RUNDC3B: variants seen among roughly 807,000 people sequenced by gnomAD.
RUNDC3B encodes RUN domain-containing protein 3B.
A neutral mutation model predicts 58.4 loss-of-function variants in RUNDC3B; 33 were observed. The observed-to-expected ratio is 0.56, with a 90% CI of 0.43 to 0.75. The LOEUF (loss-of-function observed/expected upper bound fraction) is 0.75. RUNDC3B is among the 30% of genes least tolerant of loss of function. The pLI is 0.00. For missense variants in RUNDC3B, 501 were observed against 535.7 expected (o/e 0.94, Z 0.64); for synonymous variants, 193 against 195.2 (o/e 0.99, Z 0.10).
intron 4 of RUNDC3B, among the ~76,000 whole-genome samples, chr7:87,728,064 G>C (rs530506625): frequency 2.0e-5 from 3 of 152,168 alleles, no homozygotes; most frequent in Admixed American, 2.0e-4. Flanking sequence ...GGGCTTATAT[G>C]ACCAGATTAC....
chr7:87,705,032 A>C (rs1423952428), intron 3 of RUNDC3B, among the ~76,000 whole-genome samples: 1 of 152,234 alleles, frequency 6.6e-6, no homozygotes, highest in Admixed American at 6.5e-5. Context: ...ATACAAGTAC[A>C]CTTGTATCAC....
intron 1 of RUNDC3B, among the ~76,000 whole-genome samples, chr7:87,643,529 T>G (rs1822662202): frequency 6.6e-6 from 1 of 152,030 alleles, no homozygotes. Context: ...TTTTTGGGTG[T>G]GTGGGTGCGG....
chr7:87,793,611 T>C (rs781204762), intron 8 of RUNDC3B, among the ~76,000 whole-genome samples: 6 of 152,182 alleles, frequency 3.9e-5, no homozygotes, highest in Admixed American at 1.3e-4. Flanking sequence ...AAAAAGCATT[T>C]GATAACATTC....
chr7:87,803,031 G>A (rs554293380), intron 8 of RUNDC3B, among the ~76,000 whole-genome samples: 1 of 152,144 alleles, frequency 6.6e-6, no homozygotes, highest in Non-Finnish European at 1.5e-5. Flanking sequence ...AAAAACATAA[G>A]AAAAATTATA....
intron 2 of RUNDC3B, among the ~76,000 whole-genome samples, chr7:87,698,757 C>T (rs1828738197): frequency 6.6e-6 from 1 of 152,066 alleles, no homozygotes; most frequent in African/African-American, 2.4e-5. Context: ...ATCTTACCGC[C>T]TAATATGTGA....
chr7:87,736,877 ATATATATATATATTTTTT>A (rs1831994559), intron 4 of RUNDC3B, among the ~76,000 whole-genome samples: 4 of 34,056 alleles, frequency 1.2e-4, no homozygotes, highest in Non-Finnish European at 2.1e-4. Flanking sequence ...ATATATATAT[ATATATATATATATTTTTT>A]TTTTTTTTTT....
chr7:87,727,740 G>A (rs181252876), intron 4 of RUNDC3B, among the ~76,000 whole-genome samples: 6 of 152,222 alleles, frequency 3.9e-5, no homozygotes, highest in African/African-American at 1.4e-4. Flanking sequence ...TCAAGAGGAT[G>A]CATGTCTCTT....
rs769055641 is a variant in RUNDC3B, at chr7:87,807,480, A to G, written c.1064A>G (p.Asp355Gly). ...GALDVNAVALDTLLYRKHNKQ... is the reference protein window; with the variant it reads ...GALDVNAVALGTLLYRKHNKQ... Reference sequence around the variant, plus strand: ...CTGGATGTCAATGCTGTTGCCTTGGATACGTTGCTTTACCGAAAACACAAT... The same window carrying G: ...CTGGATGTCAATGCTGTTGCCTTGGGTACGTTGCTTTACCGAAAACACAAT... Residue 355 changes from aspartate (D) to glycine (G), a missense_variant, in exon 9 of 11, where the codon GAT (aspartate) becomes GGT (glycine). By Grantham distance (94) the Asp-to-Gly change is moderately conservative (BLOSUM62 -1). Transcript: ENST00000394654. The G allele has an allele frequency of 6.2e-7, 1 of 1,613,718 alleles. No homozygotes were observed. The highest frequency in any genetic ancestry group is 1.1e-5 in the South Asian group (1 of 91,064).
chr7:87,809,808 C>T (rs1836614309), intron 9 of RUNDC3B, among the ~76,000 whole-genome samples: 1 of 152,114 alleles, frequency 6.6e-6, no homozygotes, highest in African/African-American at 2.4e-5. Flanking sequence ...CGTTTGAAAC[C>T]AATCACAGCT....
At chr7:87,816,862 G>A (rs1462661488) in intron 10 of RUNDC3B, among the ~76,000 whole-genome samples, 1 of 152,042 alleles carries the variant, frequency 6.6e-6, no homozygotes, top group African/African-American at 2.4e-5. Context: ...CAGTTTCTAA[G>A]ACTCAACCTA....
chr7:87,631,808 CT>C (rs951610697), intron 1 of RUNDC3B, among the ~76,000 whole-genome samples: 36 of 152,228 alleles, frequency 2.4e-4, no homozygotes, highest in African/African-American at 8.2e-4. Flanking sequence ...CTAGTGTGCA[CT>C]TTTACAAGCC....
intron 4 of RUNDC3B, among the ~76,000 whole-genome samples, chr7:87,733,808 A>G (rs1303773419): frequency 6.6e-6 from 1 of 152,192 alleles, no homozygotes; most frequent in African/African-American, 2.4e-5. Context: ...GATAATGTTC[A>G]CTGGCCCACC....
In RUNDC3B at chr7:87,628,852, G is replaced by A. The variant is rs1368547655; in HGVS notation, c.29G>A (p.Ser10Asn). 1.6e-6 allele frequency: 2 copies of A among 1,272,444 alleles called. No individual in the cohort carries two copies. The highest frequency in any genetic ancestry group is 3.8e-5 in the South Asian group (1 of 26,208). 78.8% of individuals were successfully genotyped at this position (1,272,444 alleles called of 1,614,324 possible). Residue 10 changes from serine (S) to asparagine (N), a missense_variant, in exon 1 of 11, where the codon AGC becomes AAC. Ser to Asn is a conservative substitution (Grantham distance 46). Coordinates refer to ENST00000394654, the MANE Select transcript of RUNDC3B (RefSeq NM_001134405.2). MASRSLGGL[S>N]GIRGGGGGGG... ...GCCTCCCGGAGCCTGGGGGGCCTGA[G>A]CGGGATCCGCGGCGGTGGCGGCGGA...
chr7:87,731,539 A>T (rs995510684), intron 4 of RUNDC3B, among the ~76,000 whole-genome samples: 1 of 152,226 alleles, frequency 6.6e-6, no homozygotes, highest in Non-Finnish European at 1.5e-5. Context: ...TCAGCTATAA[A>T]GACATACATC....
intron 8 of RUNDC3B, among the ~76,000 whole-genome samples, chr7:87,792,383 A>G (rs1356364580): frequency 1.3e-5 from 2 of 152,154 alleles, no homozygotes; most frequent in Admixed American, 6.5e-5. Flanking sequence ...TATTTACAGA[A>G]CATTTCATCC....
Position 87,641,011 on chromosome 7 carries a change from A to G in RUNDC3B, c.123-9811A>G, listed in dbSNP as rs138419350. 7.0e-3 allele frequency among the ~76,000 whole-genome samples: 1,069 copies of G among 152,144 alleles called. 15 individuals carry two copies. The highest frequency in any genetic ancestry group is 0.024 in the African/African-American group (988 of 41,512). On this transcript the variant is annotated intron_variant, in intron 1 of 10. Transcript: ENST00000394654. ...TAATTTAGAATTTTGAATTATCTTT[A>G]TATCTACTTTTATGGTCTGCTTTTT...
chr7:87,681,745 G>T (rs1032689352), intron 2 of RUNDC3B, among the ~76,000 whole-genome samples: 1 of 151,934 alleles, frequency 6.6e-6, no homozygotes, highest in Non-Finnish European at 1.5e-5. Context: ...GGGCACAGTG[G>T]CTTACAGCTA....
chr7:87,799,489 G>T (rs528216451), intron 8 of RUNDC3B, among the ~76,000 whole-genome samples: 31 of 152,034 alleles, frequency 2.0e-4, no homozygotes, highest in Admixed American at 5.9e-4. Flanking sequence ...TATTACTATA[G>T]TTATTTTCAT....
chr7:87,659,659 C>T (rs558991643), intron 2 of RUNDC3B, among the ~76,000 whole-genome samples: 26 of 151,834 alleles, frequency 1.7e-4, no homozygotes, highest in Admixed American at 9.8e-4. Flanking sequence ...ATACAGTTTG[C>T]TAATTTGTCT....
Sources: allele counts gnomAD v4.1 joint callset (sites outside exome capture counted in the v4.1 genomes callset), GRCh38; gene constraint gnomAD v4.1.1; transcripts MANE v1.5; gene names NCBI Gene and HGNC (gene_info 2026-07-23, HGNC 2026-07-21).